The following KLHL1 variants were observed in gnomAD, a reference collection of about 807,000 sequenced individuals.
KLHL1 encodes kelch like family member 1.
KLHL1 carries 47 observed loss-of-function variants against 77.7 expected under a neutral mutation model. That is an observed-to-expected ratio of 0.60 (90% CI 0.48 to 0.77). The LOEUF (loss-of-function observed/expected upper bound fraction) is 0.77, where lower values mean the gene tolerates loss of function less well. KLHL1 is among the 30% of genes least tolerant of loss of function. The pLI is 0.00. For missense variants in KLHL1, 925 were observed against 910.8 expected (o/e 1.02, Z -0.20); for synonymous variants, 360 against 325.2 (o/e 1.11, Z -1.15).
intron 1 of KLHL1, among the ~76,000 whole-genome samples, chr13:70,033,551 C>T (rs1215371195): frequency 6.6e-6 from 1 of 150,660 alleles, no homozygotes; most frequent in Non-Finnish European, 1.5e-5. Flanking sequence ...CGTGATCCAC[C>T]CGCCTTGGCC....
At chr13:70,066,397 A>C (rs1236204320) in intron 1 of KLHL1, among the ~76,000 whole-genome samples, 1 of 152,182 alleles carries the variant, frequency 6.6e-6, no homozygotes, top group Non-Finnish European at 1.5e-5. Context: ...ATAAGAACTT[A>C]AGTAAGACAT....
chr13:70,097,164 A>G (rs780636271), intron 1 of KLHL1, among the ~76,000 whole-genome samples: 1 of 152,010 alleles, frequency 6.6e-6, no homozygotes, highest in Admixed American at 6.6e-5. Context: ...AAATCTTAAC[A>G]TGACATTTTG....
chr13:69,754,014 T>G (rs9542075), intron 7 of KLHL1, among the ~76,000 whole-genome samples: 5 of 147,332 alleles, frequency 3.4e-5, no homozygotes, highest in Non-Finnish European at 7.5e-5. Context: ...TTTTTTTTTT[T>G]GTTTTTAGTA....
chr13:70,051,344 G>A (rs753679925), intron 1 of KLHL1, among the ~76,000 whole-genome samples: 1 of 151,898 alleles, frequency 6.6e-6, no homozygotes, highest in African/African-American at 2.4e-5. Context: ...ATGGCAGATG[G>A]TTACATCTAT....
At chr13:69,886,310 T>A (rs1881215555) in intron 4 of KLHL1, among the ~76,000 whole-genome samples, 1 of 151,984 alleles carries the variant, frequency 6.6e-6, no homozygotes, top group South Asian at 2.1e-4. Flanking sequence ...CATAATATTT[T>A]AAAATAATTT....
At chr13:69,938,779 A>G (rs2138297268) in intron 4 of KLHL1, among the ~76,000 whole-genome samples, 1 of 152,254 alleles carries the variant, frequency 6.6e-6, no homozygotes, top group South Asian at 2.1e-4. Flanking sequence ...TACAAATTGC[A>G]TATCTTCTTC....
chr13:70,017,791 T>G, intron 1 of KLHL1, among the ~76,000 whole-genome samples: 1 of 152,030 alleles, frequency 6.6e-6, no homozygotes, highest in East Asian at 1.9e-4. Flanking sequence ...CACAAAAAAA[T>G]TATGTAGAGC....
intron 1 of KLHL1, among the ~76,000 whole-genome samples, chr13:70,104,628 G>A (rs980349202): frequency 2.6e-5 from 4 of 152,076 alleles, no homozygotes; most frequent in African/African-American, 9.7e-5. Flanking sequence ...TAATTTAGCA[G>A]AAAAGTCAGA....
intron 4 of KLHL1, among the ~76,000 whole-genome samples, chr13:69,886,505 A>T (rs1010998444): frequency 2.0e-5 from 3 of 151,562 alleles, no homozygotes; most frequent in Non-Finnish European, 2.9e-5. Context: ...TATATATATA[A>T]AACTCTTTTG....
At chr13:69,952,906 A>G (rs967398682) in intron 3 of KLHL1, among the ~76,000 whole-genome samples, 1 of 151,468 alleles carries the variant, frequency 6.6e-6, no homozygotes, top group Non-Finnish European at 1.5e-5. Flanking sequence ...TCAGCAAATC[A>G]TATCATCTCT....
At chr13:70,020,958 A>C (rs1469547599) in intron 1 of KLHL1, among the ~76,000 whole-genome samples, 1 of 152,032 alleles carries the variant, frequency 6.6e-6, no homozygotes, top group Non-Finnish European at 1.5e-5. Context: ...GTGTACGTAT[A>C]GCCTCCCCTA....
chr13:70,000,721 C>A (rs1237421423), intron 1 of KLHL1, among the ~76,000 whole-genome samples: 1 of 151,586 alleles, frequency 6.6e-6, no homozygotes, highest in East Asian at 1.9e-4. Context: ...CAGATGACAA[C>A]AAAGTTTCCA....
intron 4 of KLHL1, among the ~76,000 whole-genome samples, chr13:69,883,612 A>G (rs1478020869): frequency 6.6e-6 from 1 of 152,234 alleles, no homozygotes; most frequent in African/African-American, 2.4e-5. Context: ...ACCCTGATTT[A>G]TATAACCTTG....
At chr13:70,020,633 A>G (rs963247512) in intron 1 of KLHL1, among the ~76,000 whole-genome samples, 4 of 152,034 alleles carry the variant, frequency 2.6e-5, no homozygotes, top group Non-Finnish European at 5.9e-5. Context: ...CCTTTTATCT[A>G]TGATTCCCAG....
At chr13:69,799,336 G>T (rs1318113645) in intron 6 of KLHL1, among the ~76,000 whole-genome samples, 1 of 152,180 alleles carries the variant, frequency 6.6e-6, no homozygotes, top group Admixed American at 6.5e-5. Context: ...AGTTAGGAAT[G>T]AGTGAAATTA....
In KLHL1 at chr13:70,032,090, G is replaced by A. The variant is rs1246224430; in HGVS notation, c.498-56288C>T. On this transcript the variant is annotated intron_variant, in intron 1 of 10. Coordinates refer to ENST00000377844, the MANE Select transcript of KLHL1 (RefSeq NM_020866.3). ...TTCAGTGACCAGTCTGCAAATTATG[G>A]ATACTTAATGGATATCTTAAAGGTT... Among the ~76,000 whole-genome samples the A allele has an allele frequency of 2.6e-5, 4 of 152,112 alleles. No homozygotes were observed. The East Asian group carries it at 7.7e-4, about 29-fold the overall frequency.
intron 8 of KLHL1, among the ~76,000 whole-genome samples, chr13:69,721,079 A>ATATATATATATATATATATATATATAT (rs1555300737): frequency 4.6e-4 from 31 of 67,622 alleles, no homozygotes; most frequent in Non-Finnish European, 9.5e-4. Flanking sequence ...ATATATATAT[A>ATATATATATATATATATATATATATAT]AAGCTATGTA....
intron 6 of KLHL1, among the ~76,000 whole-genome samples, chr13:69,837,243 C>T (rs1879033990): frequency 6.6e-6 from 1 of 151,600 alleles, no homozygotes; most frequent in South Asian, 2.1e-4. Context: ...TTAGGATAAA[C>T]TTTTATGTAT....
intron 1 of KLHL1, among the ~76,000 whole-genome samples, chr13:70,006,641 A>T (rs1885414577): frequency 6.6e-6 from 1 of 151,708 alleles, no homozygotes; most frequent in Non-Finnish European, 1.5e-5. Context: ...ATTTTATAAG[A>T]TGCCCCTTAC....
Sources: allele counts gnomAD v4.1 joint callset (sites outside exome capture counted in the v4.1 genomes callset), GRCh38; gene constraint gnomAD v4.1.1; transcripts MANE v1.5; gene names NCBI Gene and HGNC (gene_info 2026-07-23, HGNC 2026-07-21).